Variants in KANSL2 observed in about 807,000 individuals in gnomAD.
KANSL2 encodes KAT8 regulatory NSL complex subunit 2, also known as NSL complex protein NSL2.
Under a neutral mutation model 55.6 loss-of-function variants are expected in KANSL2, and 34 were observed. That is an observed-to-expected ratio of 0.61 (90% CI 0.46 to 0.81). The LOEUF (loss-of-function observed/expected upper bound fraction) is 0.81. KANSL2 is among the 40% of genes least tolerant of loss of function. The pLI is 0.00. For missense variants in KANSL2, 502 were observed against 609.9 expected, an observed-to-expected ratio of 0.82 and a Z score of 1.86; for synonymous variants, 209 against 214.3, an observed-to-expected ratio of 0.98 and a Z score of 0.22.
rs182615559 is a variant in KANSL2 at position 48,665,297 on chromosome 12, G to A, written c.973+2396C>T. ...AGAAAATAAGTGGCCGGGCGCTGTG[G>A]CTCATGCCTGTAATCCCAGCACTTT... is the stretch of plus-strand genomic sequence containing the variant. On this transcript the variant is annotated intron_variant, in intron 7 of 9. Transcript: ENST00000420613. 9.2e-5 allele frequency among the ~76,000 whole-genome samples: 14 copies of A among 152,308 alleles called. No homozygotes were observed. In the East Asian group the frequency reaches 2.3e-3, roughly 25 times the overall value.
chr12:48,667,232 C>T (rs1010448970), intron 7 of KANSL2, among the ~76,000 whole-genome samples: 1 of 152,070 alleles, frequency 6.6e-6, no homozygotes, highest in Non-Finnish European at 1.5e-5. Context: ...GCCCTAACCA[C>T]ACAAAAGGAT....
At chr12:48,666,002 C>G (rs1939590835) in intron 7 of KANSL2, among the ~76,000 whole-genome samples, 1 of 152,078 alleles carries the variant, frequency 6.6e-6, no homozygotes, top group Admixed American at 6.6e-5. Context: ...CACATGAGCT[C>G]AGAAGTTCGA....
In KANSL2 at chr12:48,660,425, G is replaced by A; in HGVS notation, c.1168C>T (p.Leu390=). The A allele has an allele frequency of 6.2e-7, 1 of 1,613,980 alleles. No homozygotes were observed. The highest frequency in any genetic ancestry group is 8.5e-7 in the Non-Finnish European group (1 of 1,179,880). Residue 390 remains leucine (L), a synonymous_variant, in exon 8 of 10, where the codon CTG becomes TTG. Coordinates refer to ENST00000420613, the MANE Select transcript of KANSL2 (RefSeq NM_017822.4). ...PDDLEAGPMD[L]YLSAAELQPT... The stretch of plus-strand genomic sequence containing the variant: ...TGAAGCTCAGCAGCACTCAAGTACA[G>A]ATCCATGGGGCCGGCTTCCAGATCG...
chr12:48,654,913 G>C, intron 9 of KANSL2, 28 bp downstream of exon 9: 2 of 1,552,966 alleles, frequency 1.3e-6, no homozygotes, highest in Non-Finnish European at 1.7e-6. Context: ...CTACATGAGG[G>C]AAACAGGTGG....
chr12:48,660,488 G>C lies in KANSL2; in HGVS notation c.1105C>G (p.Gln369Glu), dbSNP rs1371872823. ...AGTACCTGCTCGGGCTTATACATCTGAGGAGGCAACTGGAAATGCAGTGGG... is the reference window on the plus strand; with the variant it reads ...AGTACCTGCTCGGGCTTATACATCTCAGGAGGCAACTGGAAATGCAGTGGG... ...CCPLHFQLPP[Q>E]MYKPEQVLSV... Residue 369 changes from glutamine (Q) to glutamate (E), a missense_variant, in exon 8 of 10, where the codon CAG becomes GAG. Physicochemically the swap from Gln to Glu is conservative, Grantham distance 29 (BLOSUM62 2). Transcript: ENST00000420613. 3 of 1,613,780 alleles carry C rather than the reference G, an allele frequency of 1.9e-6. No individual in the cohort carries two copies. Among genetic ancestry groups the C allele is most frequent in the Non-Finnish European group, 2.5e-6 (3 of 1,179,864 alleles).
intron 5 of KANSL2, among the ~76,000 whole-genome samples, chr12:48,670,446 G>A (rs1939689985): frequency 6.6e-6 from 1 of 152,142 alleles, no homozygotes; most frequent in African/African-American, 2.4e-5. Context: ...ACCTTCCACT[G>A]GGACAAGATG....
At chr12:48,659,526 G>C (rs1439706440) in intron 8 of KANSL2, among the ~76,000 whole-genome samples, 1 of 151,690 alleles carries the variant, frequency 6.6e-6, no homozygotes, top group South Asian at 2.1e-4. Context: ...GGGAGGCTGA[G>C]ACAGGAGGAT....
intron 4 of KANSL2, among the ~76,000 whole-genome samples, chr12:48,675,417 A>G (rs999532815): frequency 6.6e-6 from 1 of 152,166 alleles, no homozygotes; most frequent in Non-Finnish European, 1.5e-5. Flanking sequence ...AAATAAATAC[A>G]TAACGGTTTC....
At chr12:48,681,932 C>CCACGCCGCCTCCCCG (rs1195767100) in intron 1 of KANSL2, 14 of 703,126 alleles carry the variant, frequency 2.0e-5, no homozygotes, top group African/African-American at 5.2e-5. Context: ...CACGCGGCGG[C>CCACGCCGCCTCCCCG]CACGCCGCCT....
chr12:48,669,500 T>A (rs144707850), intron 5 of KANSL2, among the ~76,000 whole-genome samples: 1 of 152,014 alleles, frequency 6.6e-6, no homozygotes, highest in Non-Finnish European at 1.5e-5. Context: ...CCCATAAGAT[T>A]ATAACAAAGC....
intron 5 of KANSL2, among the ~76,000 whole-genome samples, chr12:48,670,535 G>A (rs1939692155): frequency 6.6e-6 from 1 of 152,058 alleles, no homozygotes; most frequent in Non-Finnish European, 1.5e-5. Context: ...TTTAACAGAA[G>A]TTTAAAAGGA....
intron 8 of KANSL2, chr12:48,656,664 T>A (rs930809609): frequency 5.9e-6 from 3 of 505,780 alleles, no homozygotes; most frequent in Non-Finnish European, 1.2e-5. Context: ...TTCTTCCAAC[T>A]GAATTGGCAA....
intron 5 of KANSL2, 77 bp downstream of exon 5, chr12:48,671,722 T>C: frequency 7.2e-7 from 1 of 1,387,452 alleles, no homozygotes; most frequent in Non-Finnish European, 9.9e-7. Context: ...ATCCCCATCA[T>C]TAAGTGACAC....
At chr12:48,667,328 A>C (rs777537587) in intron 7 of KANSL2, 6 of 249,662 alleles carry the variant, frequency 2.4e-5, no homozygotes, top group Non-Finnish European at 4.0e-5. Flanking sequence ...ATTAGATTTA[A>C]CAGCATTAGG....
chr12:48,657,394 C>T (rs1939406280), intron 8 of KANSL2, among the ~76,000 whole-genome samples: 2 of 151,994 alleles, frequency 1.3e-5, no homozygotes, highest in Admixed American at 1.3e-4. Flanking sequence ...CACTGCACTC[C>T]AGTCTGGGCA....
chr12:48,662,907 C>A (rs902499283), intron 7 of KANSL2, among the ~76,000 whole-genome samples: 2 of 152,038 alleles, frequency 1.3e-5, no homozygotes, highest in African/African-American at 4.8e-5. Flanking sequence ...AATAAAAGAA[C>A]AGTGAAAAAA....
intron 7 of KANSL2, 31 bp downstream of exon 7, chr12:48,667,662 C>T (rs770604662): frequency 6.5e-7 from 1 of 1,530,632 alleles, no homozygotes; most frequent in Admixed American, 1.7e-5. Context: ...ACTAGCAAAC[C>T]ACAGCCTTAA....
At chr12:48,662,677 G>C (rs1295285210) in intron 7 of KANSL2, 2 of 1,281,064 alleles carry the variant, frequency 1.6e-6, no homozygotes, top group South Asian at 2.5e-5. Context: ...CTTAAGGAAG[G>C]GTAAGTGACT....
Position 48,669,289 on chromosome 12 carries a change from C to G in KANSL2, c.710-17G>C. The G allele has an allele frequency of 1.3e-6, 2 of 1,512,846 alleles. No individual in the cohort carries two copies. The highest frequency in any genetic ancestry group is 2.6e-5 in the South Asian group (2 of 77,914). 93.7% of individuals were successfully genotyped at this position (1,512,846 alleles called of 1,614,324 possible). ...GACTACTGCCTAGAGTTACAAGAGT[C>G]AAGATGTTATTTGCCAAGCAATCCA... On this transcript the variant is annotated splice_polypyrimidine_tract_variant and intron_variant, in intron 5 of 9. Coordinates refer to ENST00000420613, the MANE Select transcript of KANSL2 (RefSeq NM_017822.4).
Sources: gnomAD v4.1 joint callset for allele counts (sites outside exome capture counted in the v4.1 genomes callset) on GRCh38, gnomAD v4.1.1 for gene constraint, MANE v1.5 for transcripts, NCBI Gene and HGNC (gene_info 2026-07-23, HGNC 2026-07-21) for gene names.